The following TTC28 variants were observed in gnomAD, a reference collection of about 807,000 sequenced individuals.
TTC28 encodes the protein tetratricopeptide repeat domain 28.
TTC28 carries 61 observed loss-of-function variants against 198.0 expected under a neutral mutation model. That is an observed-to-expected ratio of 0.31 (90% CI 0.25 to 0.38). The LOEUF is 0.38. Ranked by LOEUF, TTC28 falls within the 10% of genes least tolerant of loss-of-function variation. TTC28 has a pLI of 1.00. For missense variants in TTC28, 2,678 were observed against 3,164.0 expected, an observed-to-expected ratio of 0.85 and a Z score of 3.69; for synonymous variants, 1,171 against 1,297.8, an observed-to-expected ratio of 0.90 and a Z score of 2.10.
At chr22:28,582,227 G>C (rs1321245640) in intron 2 of TTC28, among the ~76,000 whole-genome samples, 3 of 152,070 alleles carry the variant, frequency 2.0e-5, no homozygotes, top group South Asian at 4.1e-4. Flanking sequence ...AGGGGTGATA[G>C]GGAGAAGAAG....
chr22:28,355,122 T>C (rs1401030666), intron 2 of TTC28, among the ~76,000 whole-genome samples: 1 of 152,130 alleles, frequency 6.6e-6, no homozygotes, highest in Non-Finnish European at 1.5e-5. Context: ...TAGCCATCAT[T>C]CTCACATAAA....
chr22:28,618,071 G>A (rs1457140008), intron 2 of TTC28, among the ~76,000 whole-genome samples: 8 of 152,140 alleles, frequency 5.3e-5, no homozygotes, highest in Admixed American at 1.3e-4. Flanking sequence ...TCAGAAGTTC[G>A]AGACCAGCCT....
At chr22:28,507,830 A>G (rs1176738021) in intron 2 of TTC28, among the ~76,000 whole-genome samples, 1 of 152,232 alleles carries the variant, frequency 6.6e-6, no homozygotes, top group East Asian at 1.9e-4. Flanking sequence ...TGAAGGAGAA[A>G]TAAGATTCTT....
intron 2 of TTC28, among the ~76,000 whole-genome samples, chr22:28,375,110 A>G (rs1475746498): frequency 6.6e-6 from 1 of 152,056 alleles, no homozygotes; most frequent in East Asian, 1.9e-4. Context: ...ATAATAAAAA[A>G]ATAATAATAG....
intron 5 of TTC28, among the ~76,000 whole-genome samples, chr22:28,268,487 A>T (rs1456354199): frequency 6.6e-6 from 1 of 152,244 alleles, no homozygotes; most frequent in Non-Finnish European, 1.5e-5. Flanking sequence ...TTAATGATAT[A>T]TGTAGGAACA....
chr22:28,523,095 T>C (rs1215831920), intron 2 of TTC28, among the ~76,000 whole-genome samples: 1 of 152,018 alleles, frequency 6.6e-6, no homozygotes, highest in African/African-American at 2.4e-5. Context: ...AAACCCAATA[T>C]GTGACTTGCA....
intron 2 of TTC28, among the ~76,000 whole-genome samples, chr22:28,445,998 G>A (rs2047695404): frequency 6.6e-6 from 1 of 151,940 alleles, no homozygotes; most frequent in Non-Finnish European, 1.5e-5. Context: ...ACACACAGCA[G>A]GCAATCAATC....
At chr22:28,265,317 A>AC (rs1462953192) in intron 5 of TTC28, among the ~76,000 whole-genome samples, 25 of 152,298 alleles carry the variant, frequency 1.6e-4, no homozygotes, top group Non-Finnish European at 2.9e-4. Context: ...ACTAGTAATT[A>AC]CAGTTTTTCA....
intron 2 of TTC28, among the ~76,000 whole-genome samples, chr22:28,549,839 T>C (rs1332116452): frequency 3.9e-5 from 6 of 152,226 alleles, no homozygotes; most frequent in African/African-American, 1.4e-4. Context: ...TCAATGTTTT[T>C]CTTCAATCTA....
intron 14 of TTC28, among the ~76,000 whole-genome samples, chr22:28,002,928 GGGCCAAGATTATACCA>G (rs1302337146): frequency 1.3e-5 from 2 of 152,308 alleles, no homozygotes; most frequent in East Asian, 3.9e-4. Context: ...AGATTGTAGT[GGGCCAAGATTATACCA>G]GTGTACTCCA....
At chr22:28,566,585 T>C (rs2049973351) in intron 2 of TTC28, among the ~76,000 whole-genome samples, 1 of 152,192 alleles carries the variant, frequency 6.6e-6, no homozygotes. Flanking sequence ...ACATGAACAA[T>C]AAGTTCATTG....
chr22:28,035,808 G>A (rs570162224), intron 12 of TTC28, among the ~76,000 whole-genome samples: 1 of 152,238 alleles, frequency 6.6e-6, no homozygotes, highest in East Asian at 1.9e-4. Flanking sequence ...AAGAGCCTGG[G>A]CTAAAGAAAA....
At chr22:28,424,734 T>C (rs922484539) in intron 2 of TTC28, among the ~76,000 whole-genome samples, 1 of 152,220 alleles carries the variant, frequency 6.6e-6, no homozygotes, top group South Asian at 2.1e-4. Context: ...GTCAAACATT[T>C]AGATCTTTGC....
intron 2 of TTC28, among the ~76,000 whole-genome samples, chr22:28,462,172 G>T (rs866165968): frequency 2.0e-5 from 3 of 152,148 alleles, no homozygotes; most frequent in African/African-American, 7.2e-5. Flanking sequence ...CTGCTTCTCT[G>T]TATCTAGCCC....
intron 2 of TTC28, among the ~76,000 whole-genome samples, chr22:28,564,243 T>C (rs959241176): frequency 2.0e-5 from 3 of 152,310 alleles, no homozygotes; most frequent in African/African-American, 7.2e-5. Context: ...CTAAATCCCA[T>C]GAATTGTTTA....
At chr22:28,359,735 T>C (rs923233678) in intron 2 of TTC28, among the ~76,000 whole-genome samples, 1 of 152,162 alleles carries the variant, frequency 6.6e-6, no homozygotes, top group Non-Finnish European at 1.5e-5. Flanking sequence ...GCTGTGTTTA[T>C]AGATCACAAT....
chr22:28,333,031 C>T (rs1018871911), intron 2 of TTC28, among the ~76,000 whole-genome samples: 73 of 152,202 alleles, frequency 4.8e-4, no homozygotes, highest in African/African-American at 1.6e-3. Context: ...AATTCAAGTG[C>T]TTACACTGAT....
chr22:28,636,040 G>A (rs2051264399), intron 1 of TTC28, among the ~76,000 whole-genome samples: 1 of 148,702 alleles, frequency 6.7e-6, no homozygotes. Context: ...ATATAAGTTA[G>A]ATCATACAGT....
chr22:28,365,637 G>T (rs1013789239), intron 2 of TTC28, among the ~76,000 whole-genome samples: 2 of 152,178 alleles, frequency 1.3e-5, no homozygotes, highest in African/African-American at 4.8e-5. Context: ...CAGAAATCTT[G>T]TTCTCTTTGG....
Sources: allele counts gnomAD v4.1 joint callset (sites outside exome capture counted in the v4.1 genomes callset), GRCh38; gene constraint gnomAD v4.1.1; transcripts MANE v1.5; gene names NCBI Gene and HGNC (gene_info 2026-07-23, HGNC 2026-07-21).